CORO7: variants seen among roughly 807,000 people sequenced by gnomAD.
CORO7 encodes coronin-7.
In CORO7, 107 loss-of-function variants were observed where a neutral mutation model predicts 126.6. The observed-to-expected ratio is 0.85, with a 90% CI of 0.72 to 0.99. The LOEUF (loss-of-function observed/expected upper bound fraction) is 0.99, where lower values mean the gene tolerates loss of function less well. Ranked by LOEUF, CORO7 falls within the 50% of genes least tolerant of loss-of-function variation. The pLI is 0.00. For synonymous variants in CORO7, 603 were observed against 536.8 expected (o/e 1.12, Z -1.70); for missense variants, 1,314 against 1,255.8 (o/e 1.05, Z -0.70).
intron 9 of CORO7, among the ~76,000 whole-genome samples, chr16:4,371,486 G>A (rs1407946180): frequency 6.6e-6 from 1 of 152,154 alleles, no homozygotes; most frequent in Non-Finnish European, 1.5e-5. Context: ...CCCCACTCCC[G>A]CCATCCTGCC....
chr16:4,403,132 G>A (rs764887384), intron 6 of CORO7, among the ~76,000 whole-genome samples: 42 of 152,188 alleles, frequency 2.8e-4, no homozygotes, highest in Middle Eastern at 3.4e-3. Context: ...AGCCAGGTGC[G>A]GCTGCAAAGA....
intron 9 of CORO7, among the ~76,000 whole-genome samples, chr16:4,370,141 A>C (rs1007697752): frequency 1.3e-4 from 20 of 152,162 alleles, no homozygotes; most frequent in Admixed American, 2.0e-4. Flanking sequence ...GCCAGGCTGG[A>C]GGCTCTTGGA....
intron 7 of CORO7, among the ~76,000 whole-genome samples, chr16:4,395,003 T>C (rs2055532082): frequency 6.6e-6 from 1 of 152,156 alleles, no homozygotes; most frequent in South Asian, 2.1e-4. Context: ...AGGAAGGAAG[T>C]GGGAATCCCA....
chr16:4,386,670 C>G (rs1416343685), intron 9 of CORO7, among the ~76,000 whole-genome samples: 1 of 152,186 alleles, frequency 6.6e-6, no homozygotes, highest in African/African-American at 2.4e-5. Context: ...GACTCTGCCT[C>G]TTACCCTCCA....
intron 1 of CORO7, among the ~76,000 whole-genome samples, chr16:4,413,838 G>T (rs950154467): frequency 6.7e-6 from 1 of 149,744 alleles, no homozygotes; most frequent in South Asian, 2.3e-4. Flanking sequence ...GCCCCCAGCC[G>T]TGTTGTGTTA....
At position 4,358,452 on chromosome 16, in the gene CORO7, T is replaced by G; in HGVS notation, c.2372A>C (p.Asp791Ala). Reference protein sequence around the residue: ...GLVLLPKTECDVREVELMRCL... With the variant: ...GLVLLPKTECAVREVELMRCL... ...CCGCATCAGCTCCACTTCCCGCACG[T>G]CGCACTCCGTCTTAGGCAGGAGGAC... The change falls in exon 24 of 28, where the codon GAC (aspartate) becomes GCC (alanine). Residue 791 changes from aspartate (D) to alanine (A), a missense_variant. Asp to Ala is a moderately radical substitution (Grantham distance 126, BLOSUM62 -2). Transcript: ENST00000251166. 3 of 1,609,754 alleles carry G rather than the reference T, an allele frequency of 1.9e-6. No homozygotes were observed. The highest frequency in any genetic ancestry group is 2.5e-6 in the Non-Finnish European group (3 of 1,177,886).
chr16:4,377,855 G>T (rs1372996276), intron 9 of CORO7, among the ~76,000 whole-genome samples: 1 of 152,202 alleles, frequency 6.6e-6, no homozygotes, highest in Admixed American at 6.5e-5. Flanking sequence ...CAGGCTGGCT[G>T]CCGCCTGCTG....
intron 7 of CORO7, among the ~76,000 whole-genome samples, chr16:4,388,873 G>T (rs1596316074): frequency 6.6e-6 from 1 of 152,272 alleles, no homozygotes; most frequent in African/African-American, 2.4e-5. Context: ...GGCCAACCTG[G>T]CTGCTCCTCC....
intron 7 of CORO7, 24 bp downstream of exon 7, chr16:4,395,265 C>A: frequency 6.2e-7 from 1 of 1,613,970 alleles, no homozygotes; most frequent in Non-Finnish European, 8.5e-7. Context: ...CTTCAACCCA[C>A]CCCAGCTTGC....
At chr16:4,367,457 GC>G (rs932389526) in intron 9 of CORO7, among the ~76,000 whole-genome samples, 3 of 152,212 alleles carry the variant, frequency 2.0e-5, no homozygotes, top group Admixed American at 1.3e-4. Context: ...ATGTAGGTAT[GC>G]CCAGAGATGA....
intron 9 of CORO7, chr16:4,381,635 C>A: frequency 1.3e-6 from 2 of 1,599,602 alleles, no homozygotes; most frequent in Non-Finnish European, 1.7e-6. Flanking sequence ...ACCCGCATTG[C>A]CCAGCTGCGG....
At chr16:4,394,831 C>T (rs549741281) in intron 7 of CORO7, among the ~76,000 whole-genome samples, 6 of 152,360 alleles carry the variant, frequency 3.9e-5, no homozygotes, top group East Asian at 3.9e-4. Flanking sequence ...GAAATGGCCA[C>T]GCACACTCCA....
intron 9 of CORO7, among the ~76,000 whole-genome samples, chr16:4,371,214 G>T (rs1383396876): frequency 6.6e-6 from 1 of 152,220 alleles, no homozygotes; most frequent in Non-Finnish European, 1.5e-5. Context: ...ATATGGTGGG[G>T]AAGAGAGTCC....
intron 9 of CORO7, among the ~76,000 whole-genome samples, chr16:4,377,013 C>T (rs536723086): frequency 2.6e-5 from 4 of 152,330 alleles, no homozygotes; most frequent in African/African-American, 7.2e-5. Context: ...GACCAAGTCA[C>T]CCCAGACACA....
chr16:4,396,566 C>T (rs1170613900), intron 6 of CORO7, among the ~76,000 whole-genome samples: 8 of 152,186 alleles, frequency 5.3e-5, no homozygotes, highest in Admixed American at 4.6e-4. Context: ...TGGACTAACA[C>T]AGGCCTGTGT....
chr16:4,368,151 A>C (rs1596285722), intron 9 of CORO7, among the ~76,000 whole-genome samples: 2 of 152,032 alleles, frequency 1.3e-5, no homozygotes, highest in African/African-American at 4.8e-5. Flanking sequence ...GTTTGAGACC[A>C]GCCAGGCCAA....
chr16:4,356,991 C>T (rs892817523), intron 26 of CORO7, 177 bp downstream of exon 26: 25 of 860,938 alleles, frequency 2.9e-5, no homozygotes, highest in East Asian at 2.4e-4. Context: ...CCCCACTTCC[C>T]GGGCCCCATG....
At chr16:4,413,018 G>A (rs1429250841) in intron 2 of CORO7, 7 of 360,216 alleles carry the variant, frequency 1.9e-5, no homozygotes, top group South Asian at 6.0e-5. Flanking sequence ...GGAGCAGGGA[G>A]CACAGAGGGA....
intron 19 of CORO7, 108 bp from the exon 20 acceptor site, chr16:4,360,656 G>T: frequency 7.1e-7 from 1 of 1,410,936 alleles, no homozygotes; most frequent in Non-Finnish European, 9.5e-7. Flanking sequence ...CCTCACTGCT[G>T]TTCCCGCCTC....
Sources: gnomAD v4.1 joint callset for allele counts (sites outside exome capture counted in the v4.1 genomes callset) on GRCh38, gnomAD v4.1.1 for gene constraint, MANE v1.5 for transcripts, NCBI Gene and HGNC (gene_info 2026-07-23, HGNC 2026-07-21) for gene names.